The following EHF variants were observed in gnomAD, a reference collection of about 807,000 sequenced individuals.
The protein encoded by EHF is ETS homologous factor, also known as ESE3 transcription factor.
A neutral mutation model predicts 45.1 loss-of-function variants in EHF; 14 were observed. The ratio of observed to expected loss-of-function variants is 0.31; its 90% CI spans 0.21 to 0.49. EHF has a LOEUF of 0.49. Ranked by LOEUF, EHF falls within the 20% of genes least tolerant of loss-of-function variation. EHF has a pLI of 0.99. For synonymous variants in EHF, 136 were observed against 131.8 expected (o/e 1.03, Z -0.22); for missense variants, 282 against 371.4 (o/e 0.76, Z 1.98).
At chr11:34,633,902 T>A (rs1320044964) in intron 1 of EHF, among the ~76,000 whole-genome samples, 1 of 152,168 alleles carries the variant, frequency 6.6e-6, no homozygotes, top group Non-Finnish European at 1.5e-5. Context: ...TATTTCCAAA[T>A]GGCTTACAGT....
intron 1 of EHF, chr11:34,624,402 T>G: frequency 7.3e-4 from 527 of 725,074 alleles, no homozygotes; most frequent in Middle Eastern, 1.4e-3. Context: ...CTTAAATCTC[T>G]TGCTCTATAA....
At chr11:34,631,427 G>A (rs1852880270) in intron 1 of EHF, 1 of 224,956 alleles carries the variant, frequency 4.4e-6, no homozygotes, top group Non-Finnish European at 7.4e-6. Flanking sequence ...TCTCCATTTG[G>A]GCGATTTGTT....
chr11:34,648,161 A>G (rs752994074), intron 3 of EHF, among the ~76,000 whole-genome samples: 11 of 152,116 alleles, frequency 7.2e-5, no homozygotes, highest in Non-Finnish European at 1.3e-4. Context: ...TTTATTGAGT[A>G]TTTACTTATA....
At chr11:34,656,401 A>G (rs1855678414) in intron 6 of EHF, among the ~76,000 whole-genome samples, 1 of 152,162 alleles carries the variant, frequency 6.6e-6, no homozygotes, top group South Asian at 2.1e-4. Context: ...TGCTAAAAAA[A>G]AAAAACCACA....
intron 1 of EHF, among the ~76,000 whole-genome samples, chr11:34,627,898 A>C (rs1397037121): frequency 6.6e-6 from 1 of 152,218 alleles, no homozygotes; most frequent in African/African-American, 2.4e-5. Context: ...CACCTATTAC[A>C]TATATCACAA....
Position 34,626,281 on chromosome 11 carries a change from C to G in EHF, c.-4+5053C>G, listed in dbSNP as rs182614262. On this transcript the variant is annotated intron_variant, in intron 1 of 8. Coordinates refer to ENST00000257831, the MANE Select transcript of EHF (RefSeq NM_012153.6). ...TGTCCAGCCCTTTCTTAGCCTGATA[C>G]AACATCCCCCAAAAGTCTGTTGAGC... Among the ~76,000 whole-genome samples, 4 of 152,296 alleles carry G rather than the reference C, an allele frequency of 2.6e-5. No homozygotes were observed. The East Asian group carries it at 7.7e-4, about 29-fold the overall frequency.
At chr11:34,643,897 G>C (rs1854263756) in intron 2 of EHF, among the ~76,000 whole-genome samples, 1 of 152,204 alleles carries the variant, frequency 6.6e-6, no homozygotes, top group Admixed American at 6.5e-5. Flanking sequence ...GCAGGAAGTA[G>C]AACTGGGGTG....
At chr11:34,642,940 A>G (rs976070296) in intron 2 of EHF, among the ~76,000 whole-genome samples, 1 of 152,162 alleles carries the variant, frequency 6.6e-6, no homozygotes, top group Non-Finnish European at 1.5e-5. Flanking sequence ...TCCTCCCAAA[A>G]TTCAAGGTTC....
At chr11:34,647,871 C>A (rs753933500) in intron 3 of EHF, among the ~76,000 whole-genome samples, 2 of 152,180 alleles carry the variant, frequency 1.3e-5, no homozygotes, top group Non-Finnish European at 2.9e-5. Flanking sequence ...CTATAAATAA[C>A]CCTCAGGGAT....
chr11:34,640,520 G>A (rs1853883298), intron 1 of EHF, among the ~76,000 whole-genome samples: 1 of 152,166 alleles, frequency 6.6e-6, no homozygotes, highest in Non-Finnish European at 1.5e-5. Context: ...CCAGCCTTGA[G>A]CAAACAAGAC....
rs1185889634 is a variant in EHF at position 34,647,096 on chromosome 11, C to A, written c.343+412C>A. ...AAAACAAAACAAAACCCCCCCCACA[C>A]ACACACACAAAGAACCTTCTAGACC... On this transcript the variant is annotated intron_variant, in intron 3 of 8. Transcript: ENST00000257831. Among the ~76,000 whole-genome samples, 51 of 142,956 alleles carry A rather than the reference C, an allele frequency of 3.6e-4. 1 individual carries two copies. The highest frequency in any genetic ancestry group is 1.1e-3 in the African/African-American group (41 of 38,532). 93.8% of individuals were successfully genotyped at this position (142,956 alleles called of 152,430 possible).
At position 34,644,164 on chromosome 11, in the gene EHF, G is replaced by A. The variant is rs576750713; in HGVS notation, c.97+1437G>A. ...CAGGGACTATCTTTTAATCTAGACC[G>A]TATCAAGTTTGCAGATGAGATTATT... is the stretch of plus-strand genomic sequence containing the variant. On this transcript the variant is annotated intron_variant, in intron 2 of 8. Transcript: ENST00000257831. 2.7e-4 allele frequency among the ~76,000 whole-genome samples: 41 copies of A among 152,284 alleles called. No homozygotes were observed. In the South Asian group the frequency reaches 5.4e-3, roughly 20 times the overall value.
intron 1 of EHF, among the ~76,000 whole-genome samples, chr11:34,638,994 C>G (rs1853723847): frequency 6.6e-6 from 1 of 152,168 alleles, no homozygotes; most frequent in African/African-American, 2.4e-5. Flanking sequence ...TTGCCAGGGG[C>G]TAGACAAGAC....
rs571516630 is a variant in EHF at position 34,650,648 on chromosome 11, G to A, written c.407-894G>A. Among the ~76,000 whole-genome samples, 15 of 152,304 alleles carry A rather than the reference G, an allele frequency of 9.8e-5. No individual in the cohort carries two copies. The South Asian group carries it at 2.5e-3, about 25-fold the overall frequency. ...AAAGCAGGAAGTTTCTGGTGAGGAC[G>A]AGGTGAGAGATCTTACAGCTTTTGG... On this transcript the variant is annotated intron_variant, in intron 4 of 8. Coordinates refer to ENST00000257831, the MANE Select transcript of EHF (RefSeq NM_012153.6).
intron 1 of EHF, among the ~76,000 whole-genome samples, chr11:34,629,516 T>G (rs1590413911): frequency 1.3e-5 from 2 of 152,244 alleles, no homozygotes; most frequent in African/African-American, 4.8e-5. Flanking sequence ...TCGTCTAATT[T>G]GTGAGAAAAT....
chr11:34,624,382 C>T, intron 1 of EHF: 4 of 898,882 alleles, frequency 4.4e-6, no homozygotes, highest in Non-Finnish European at 5.3e-6. Context: ...CCACACCTTG[C>T]CCAGGTTCTC....
At chr11:34,649,719 T>C (rs1397667056) in intron 4 of EHF, among the ~76,000 whole-genome samples, 5 of 152,154 alleles carry the variant, frequency 3.3e-5, no homozygotes, top group Non-Finnish European at 7.3e-5. Flanking sequence ...CTGGAGACTG[T>C]CCTCCAAAGT....
intron 7 of EHF, 94 bp downstream of exon 7, chr11:34,657,064 C>T: frequency 3.5e-6 from 5 of 1,427,268 alleles, no homozygotes; most frequent in Non-Finnish European, 4.9e-6. Flanking sequence ...TCGCCTCTGT[C>T]TGCTGCCTTC....
chr11:34,649,175 T>C, intron 4 of EHF, 94 bp downstream of exon 4: 1 of 1,343,314 alleles, frequency 7.4e-7, no homozygotes, highest in Non-Finnish European at 1.0e-6. Flanking sequence ...GGGGCAAGTT[T>C]TTGCAGGAAA....
Sources: allele counts gnomAD v4.1 joint callset (sites outside exome capture counted in the v4.1 genomes callset), GRCh38; gene constraint gnomAD v4.1.1; transcripts MANE v1.5; gene names NCBI Gene and HGNC (gene_info 2026-07-23, HGNC 2026-07-21).